C5: variants seen among roughly 807,000 people sequenced by gnomAD.
C5 encodes the protein C3 and PZP-like alpha-2-macroglobulin domain-containing protein 4.
Under a neutral mutation model 218.8 loss-of-function variants are expected in C5, and 140 were observed. The observed-to-expected ratio is 0.64, with a 90% confidence interval of 0.56 to 0.74. The LOEUF is 0.74. Ranked by LOEUF, C5 falls within the 30% of genes least tolerant of loss-of-function variation. The probability of loss-of-function intolerance (pLI) is 0.00; values close to 1 mark genes in which losing one functional copy is unlikely to be tolerated. For synonymous variants in C5, 614 were observed against 682.3 expected (o/e 0.90, Z 1.56); for missense variants, 1,700 against 1,969.6 (o/e 0.86, Z 2.59).
chr9:121,023,795 G>C (rs2047387973), intron 9 of C5, among the ~76,000 whole-genome samples: 1 of 151,656 alleles, frequency 6.6e-6, no homozygotes, highest in Non-Finnish European at 1.5e-5. Flanking sequence ...ACTGAGGAAG[G>C]ATGCCAGGAA....
At chr9:121,067,267 C>CA in the C5 span, among the ~76,000 whole-genome samples, 289 of 142,370 alleles carry the variant, frequency 2.0e-3, 3 homozygotes, top group East Asian at 0.017. Flanking sequence ...AACTCCATCT[C>CA]AAAAAAAAAA....
At chr9:121,066,406 C>T in the C5 span, among the ~76,000 whole-genome samples, 7 of 149,430 alleles carry the variant, frequency 4.7e-5, no homozygotes, top group African/African-American at 1.5e-4. Flanking sequence ...CAGGCAAGTA[C>T]TGACAAAATT....
At chr9:121,019,334 AC>A (rs2047343543) in intron 12 of C5, among the ~76,000 whole-genome samples, 1 of 152,212 alleles carries the variant, frequency 6.6e-6, no homozygotes, top group South Asian at 2.1e-4. Flanking sequence ...AACAGCATGT[AC>A]TTGGCCTGGC....
At position 120,964,398 on chromosome 9, in the gene C5, G is replaced by A. The variant is rs41312895; in HGVS notation, c.4221-660C>T. ...GGAGAATTGCTTGAACCTGGGAGGC[G>A]GAGGTTGCAGTGCGCCGAGATCGCA... On this transcript the variant is annotated intron_variant, in intron 33 of 40. Transcript: ENST00000223642. Among the ~76,000 whole-genome samples the A allele has an allele frequency of 7.9e-3, 1,208 of 152,284 alleles. 17 individuals are homozygous for A. The highest frequency in any genetic ancestry group is 0.024 in the East Asian group (125 of 5,184).
rs376965599 is a variant in C5 at position 120,988,705 on chromosome 9, T to C, written c.3230+341A>G. 5.9e-5 allele frequency among the ~76,000 whole-genome samples: 9 copies of C among 152,332 alleles called. No homozygotes were observed. In the East Asian group the frequency reaches 1.3e-3, roughly 23 times the overall value. ...GTTTTGAGTGGCATGATCTAACATA[T>C]GTTTTAACAGGGTCACTTCAGTTGC... On this transcript the variant is annotated intron_variant, in intron 25 of 40. Transcript: ENST00000223642.
Position 121,013,999 on chromosome 9 carries a change from A to G in C5, c.2131T>C (p.Cys711Arg), listed in dbSNP as rs921641109. 1.9e-6 allele frequency: 3 copies of G among 1,614,090 alleles called. No homozygotes were observed. The African/African-American group carries it at 4.0e-5, about 22-fold the overall frequency. Reference protein sequence around the residue: ...DGACVNNDETCEQRAARISLG... With the variant: ...DGACVNNDETREQRAARISLG... ...CTAATCCGTGCAGCTCGCTGCTCAC[A>G]GGTTTCATCATTATTAACGCAGGCT... The change falls in exon 17 of 41, where the codon TGT (cysteine) becomes CGT (arginine). Residue 711 changes from cysteine (C) to arginine (R), a missense_variant. By Grantham distance (180) the Cys-to-Arg change is radical. Coordinates refer to ENST00000223642, the MANE Select transcript of C5 (RefSeq NM_001735.3).
At chr9:120,989,248 C>T in intron 24 of C5, 127 bp from the exon 25 acceptor site, 1 of 766,002 alleles carries the variant, frequency 1.3e-6, no homozygotes, top group Non-Finnish European at 2.4e-6. Context: ...GCTCTGTGGC[C>T]AGCATTGAAC....
chr9:121,034,670 A>G, intron 5 of C5, 133 bp downstream of exon 5: 1 of 619,770 alleles, frequency 1.6e-6, no homozygotes, highest in Non-Finnish European at 2.9e-6. Context: ...AGTTCTTGCT[A>G]GAACTTCAAA....
At chr9:121,002,316 G>GTGTGTGTGTGTGTGTGTATATATA (rs572345213) in intron 20 of C5, among the ~76,000 whole-genome samples, 2 of 87,398 alleles carry the variant, frequency 2.3e-5, no homozygotes, top group South Asian at 4.2e-4. Flanking sequence ...ATATGTGTGT[G>GTGTGTGTGTGTGTGTGTATATATA]TATATATATA....
chr9:121,025,905 TGA>T (rs1162396365), intron 8 of C5: 6 of 224,820 alleles, frequency 2.7e-5, no homozygotes, highest in Admixed American at 5.3e-5. Flanking sequence ...CGCCCTTAAC[TGA>T]GAGTTTGTTG....
rs201460198 is a variant in C5 at position 121,018,742 on chromosome 9, A to AAAGAAAGGAAGGAAGG, written c.1507-891_1507-890insCCTTCCTTCCTTTCTT. Among the ~76,000 whole-genome samples the AAAGAAAGGAAGGAAGG allele has an allele frequency of 2.0e-5, 2 of 99,172 alleles. 1 individual carries two copies. The highest frequency in any genetic ancestry group is 5.6e-4 in the East Asian group (2 of 3,578). The allele number at this position is 99,172 out of a possible 152,430, so 65.1% of individuals were successfully genotyped here. A position where few individuals can be genotyped will look rare whatever the true frequency, so the allele number is the denominator to read the frequency against. On this transcript the variant is annotated intron_variant, in intron 12 of 40. Coordinates refer to ENST00000223642, the MANE Select transcript of C5 (RefSeq NM_001735.3). ...GAAAGAAAGAAGGAAGGAAGGAAGG[A>AAAGAAAGGAAGGAAGG]AAGGAAGGAAGGAAGGAAGGAAGGA...
intron 20 of C5, among the ~76,000 whole-genome samples, chr9:121,002,316 G>GTGTGTGTA (rs572345213): frequency 1.3e-4 from 11 of 87,406 alleles, no homozygotes; most frequent in Non-Finnish European, 2.0e-4. Flanking sequence ...ATATGTGTGT[G>GTGTGTGTA]TATATATATA....
intron 16 of C5, 41 bp from the exon 17 acceptor site, chr9:121,014,111 T>C (rs2047286698): frequency 7.8e-6 from 12 of 1,548,226 alleles, no homozygotes; most frequent in Non-Finnish European, 1.1e-5. Context: ...TGACGCAGAG[T>C]GATAACATCT....
In C5 at chr9:120,952,438, T is replaced by C. The variant is rs148353209; in HGVS notation, c.*301A>G. 29 of 355,986 alleles carry C rather than the reference T, an allele frequency of 8.1e-5. No homozygotes were observed. The highest frequency in any genetic ancestry group is 5.7e-4 in the African/African-American group (27 of 47,368). The allele number at this position is 355,986 out of a possible 1,614,324, so 22.1% of individuals were successfully genotyped here. On this transcript the variant is annotated 3_prime_UTR_variant, in exon 41 of 41. Transcript: ENST00000223642. Reference sequence around the variant, plus strand: ...AATACTCCCTTTCAATGGACTGTTCTTTCGGCCCCAGCAAACATTCCTGAG... The same window carrying C: ...AATACTCCCTTTCAATGGACTGTTCCTTCGGCCCCAGCAAACATTCCTGAG...
rs1312115760 is a variant in C5, at chr9:121,017,812, T to C, written c.1547A>G (p.Glu516Gly). Reference sequence around the variant, plus strand: ...TTGATAAGATGCATCTGAAAATTTCTCCCTCGTGCCAAAGTGGATAATTTT... The same window carrying C: ...TTGATAAGATGCATCTGAAAATTTCCCCCTCGTGCCAAAGTGGATAATTTT... Reference protein sequence around the residue: ...KGKIIHFGTREKFSDASYQSI... With the variant: ...KGKIIHFGTRGKFSDASYQSI... Residue 516 changes from glutamate to glycine, a missense_variant, in exon 13 of 41, where the codon GAG (glutamate) becomes GGG (glycine). Glu to Gly is a moderately conservative substitution (Grantham distance 98, BLOSUM62 -2). Transcript: ENST00000223642. 2.5e-6 allele frequency: 4 copies of C among 1,613,690 alleles called. No individual in the cohort carries two copies. Among genetic ancestry groups the C allele is most frequent in the Non-Finnish European group, 3.4e-6 (4 of 1,179,824 alleles).
intron 38 of C5, among the ~76,000 whole-genome samples, chr9:120,958,334 G>T (rs1319599170): frequency 1.3e-5 from 2 of 152,174 alleles, no homozygotes; most frequent in African/African-American, 2.4e-5. Flanking sequence ...ATTCTGGCTT[G>T]TAGTCCAGAA....
At chr9:120,999,251 T>C (rs1230515151) in intron 20 of C5, among the ~76,000 whole-genome samples, 2 of 152,004 alleles carry the variant, frequency 1.3e-5, no homozygotes, top group Admixed American at 6.6e-5. Context: ...CTAGACAAGA[T>C]ACATATTAAA....
intron 31 of C5, 77 bp downstream of exon 31, chr9:120,971,853 G>T: frequency 9.0e-7 from 1 of 1,112,748 alleles, no homozygotes; most frequent in Non-Finnish European, 1.4e-6. Flanking sequence ...GTGACTTTGT[G>T]GCAAAGCTCC....
intron 29 of C5, among the ~76,000 whole-genome samples, 173 bp downstream of exon 29, chr9:120,976,527 C>T (rs1297745933): frequency 5.3e-5 from 8 of 152,180 alleles, no homozygotes; most frequent in Non-Finnish European, 1.0e-4. Context: ...ATTTCCTCTT[C>T]TGTATAATAA....
Sources: allele counts gnomAD v4.1 joint callset (sites outside exome capture counted in the v4.1 genomes callset), GRCh38; gene constraint gnomAD v4.1.1; transcripts MANE v1.5; gene names NCBI Gene and HGNC (gene_info 2026-07-23, HGNC 2026-07-21).